The following TBX18 variants were observed in gnomAD, a reference collection of about 807,000 sequenced individuals.
TBX18 encodes the protein T-box transcription factor TBX18.
Under a neutral mutation model 55.0 loss-of-function variants are expected in TBX18, and 21 were observed. The observed-to-expected ratio is 0.38, with a 90% CI of 0.27 to 0.55. TBX18 has a LOEUF of 0.55. Among genes scored for constraint, TBX18 ranks in the 20% least tolerant of loss-of-function variants. The pLI, the probability that TBX18 is intolerant of heterozygous loss-of-function variation, is 0.73. For synonymous variants in TBX18, 342 were observed against 326.1 expected (o/e 1.05, Z -0.53); for missense variants, 840 against 799.6 (o/e 1.05, Z -0.61).
Position 84,737,012 on chromosome 6 carries a change from G to A in TBX18, c.1497C>T (p.Ile499=), listed in dbSNP as rs1766885859. The change falls in exon 8 of 8, where the codon ATC becomes ATT. Residue 499 remains isoleucine, a synonymous_variant. Coordinates refer to ENST00000369663, the MANE Select transcript of TBX18 (RefSeq NM_001080508.3). The part of the protein sequence containing the change: ...ISGMSPQLQY[I]MPSPSSNAFA... ...AGGCATTGCTGGAGGGTGATGGCAT[G>A]ATATACTGGAGCTGGGGGGACATTC... 15 of 1,613,778 alleles carry A rather than the reference G, an allele frequency of 9.3e-6. No individual in the cohort carries two copies. Among genetic ancestry groups the A allele is most frequent in the Non-Finnish European group, 1.3e-5 (15 of 1,179,838 alleles).
intron 4 of TBX18, among the ~76,000 whole-genome samples, chr6:84,753,588 G>C (rs1240259602): frequency 6.6e-6 from 1 of 152,202 alleles, no homozygotes; most frequent in Admixed American, 6.5e-5. Flanking sequence ...ACTATGTAAG[G>C]GTAGAGGGGT....
intron 6 of TBX18, chr6:84,741,413 T>C (rs1767045547): frequency 6.6e-6 from 1 of 152,222 alleles, no homozygotes; most frequent in Non-Finnish European, 1.5e-5. Context: ...AAAAATTTTA[T>C]AGGGTCAAAC....
intron 3 of TBX18, among the ~76,000 whole-genome samples, chr6:84,759,219 C>T (rs1440908368): frequency 6.6e-6 from 1 of 151,876 alleles, no homozygotes; most frequent in Admixed American, 6.6e-5. Context: ...AATAATAAGA[C>T]TGTCTTTTTT....
At chr6:84,763,825 C>G (rs1767731239) in intron 1 of TBX18, 65 bp downstream of exon 1, 4 of 1,436,602 alleles carry the variant, frequency 2.8e-6, no homozygotes, top group Admixed American at 2.9e-5. Flanking sequence ...CACGCACACC[C>G]ACAGACTCGC....
chr6:84,757,134 T>G (rs1192564561), intron 3 of TBX18, among the ~76,000 whole-genome samples: 2 of 152,242 alleles, frequency 1.3e-5, no homozygotes, highest in Non-Finnish European at 2.9e-5. Context: ...ATATTCATTC[T>G]TATGAATGAC....
rs781588538 is a variant in TBX18 at position 84,734,145 on chromosome 6, C to A, written c.*2540G>T. 1.3e-5 allele frequency: 2 copies of A among 152,220 alleles called. No individual in the cohort carries two copies. Among genetic ancestry groups the A allele is most frequent in the African/African-American group, 2.4e-5 (1 of 41,438 alleles). The allele number at this position is 152,220 out of a possible 1,614,324, so 9.4% of individuals were successfully genotyped here. A position where few individuals can be genotyped will look rare whatever the true frequency, so the allele number is the denominator to read the frequency against. ...CATCACTAGTCAGTGGTGCAAGCCA[C>A]TCATTCTTGTAACCTTGCCTTTCTC... is the stretch of plus-strand genomic sequence containing the variant. On this transcript the variant is annotated 3_prime_UTR_variant, in exon 8 of 8. Transcript: ENST00000369663.
At chr6:84,755,633 T>A (rs2127879154) in intron 4 of TBX18, among the ~76,000 whole-genome samples, 1 of 152,338 alleles carries the variant, frequency 6.6e-6, no homozygotes, top group South Asian at 2.1e-4. Flanking sequence ...ACTATGTTAC[T>A]TTTTTATTTC....
chr6:84,754,768 G>C (rs933328113), intron 4 of TBX18, among the ~76,000 whole-genome samples: 11 of 152,206 alleles, frequency 7.2e-5, no homozygotes, highest in Non-Finnish European at 1.2e-4. Context: ...AGCAGACTTT[G>C]AGAAAAGTGG....
chr6:84,738,946 A>G (rs1021085178), intron 6 of TBX18, among the ~76,000 whole-genome samples: 2 of 151,962 alleles, frequency 1.3e-5, no homozygotes, highest in South Asian at 4.2e-4. Context: ...GAACACACCC[A>G]CTCTCCTTGT....
intron 2 of TBX18, among the ~76,000 whole-genome samples, chr6:84,761,908 A>T (rs920876057): frequency 1.3e-5 from 2 of 152,160 alleles, no homozygotes; most frequent in African/African-American, 4.8e-5. Context: ...ATAACCAGGT[A>T]CTCTAAATCT....
chr6:84,739,992 G>A (rs2127872111), intron 6 of TBX18, among the ~76,000 whole-genome samples: 1 of 152,286 alleles, frequency 6.6e-6, no homozygotes, highest in African/African-American at 2.4e-5. Flanking sequence ...GTGTGGAGGG[G>A]TGGTGTGTAT....
rs1007872290 is a variant in TBX18 at position 84,733,372 on chromosome 6, T to C, written c.*3313A>G. 3.9e-5 allele frequency: 6 copies of C among 152,178 alleles called. No individual in the cohort carries two copies. Among genetic ancestry groups the C allele is most frequent in the Non-Finnish European group, 7.4e-5 (5 of 68,024 alleles). The allele number at this position is 152,178 out of a possible 1,614,324, so 9.4% of individuals were successfully genotyped here. A position where few individuals can be genotyped will look rare whatever the true frequency, so the allele number is the denominator to read the frequency against. The stretch of plus-strand genomic sequence containing the variant: ...AAAACACAACATGGTAATAATTTAA[T>C]ACAATTAGTTCTTAAGGGAAAGCTT... On this transcript the variant is annotated 3_prime_UTR_variant, in exon 8 of 8. Transcript: ENST00000369663.
chr6:84,747,793 T>C, intron 5 of TBX18, 127 bp downstream of exon 5: 4 of 834,424 alleles, frequency 4.8e-6, no homozygotes, highest in Non-Finnish European at 7.2e-6. Context: ...TTCATATATA[T>C]ACACTTTGAA....
chr6:84,746,548 C>T (rs1767196676), intron 5 of TBX18, among the ~76,000 whole-genome samples: 1 of 143,522 alleles, frequency 7.0e-6, no homozygotes, highest in Non-Finnish European at 1.5e-5. Flanking sequence ...ATCATAAATA[C>T]ATTTATTTAT....
intron 4 of TBX18, 33 bp from the exon 5 acceptor site, chr6:84,748,120 G>A (rs1201421602): frequency 1.3e-6 from 2 of 1,560,686 alleles, no homozygotes; most frequent in Non-Finnish European, 1.8e-6. Context: ...GAATTTATCA[G>A]AAGCCTCTGC....
intron 4 of TBX18, among the ~76,000 whole-genome samples, chr6:84,751,142 A>T (rs1262939711): frequency 1.3e-5 from 2 of 152,230 alleles, no homozygotes; most frequent in African/African-American, 4.8e-5. Flanking sequence ...CTTTACATTA[A>T]ACAAACAAAA....
At chr6:84,757,021 C>A in intron 3 of TBX18, 152 bp from the exon 4 acceptor site, 1 of 799,482 alleles carries the variant, frequency 1.3e-6, no homozygotes, top group Non-Finnish European at 1.9e-6. Context: ...AGCGCTTTTC[C>A]AAACCACTCT....
At chr6:84,760,404 A>T in intron 2 of TBX18, 48 bp from the exon 3 acceptor site, 1 of 1,354,960 alleles carries the variant, frequency 7.4e-7, no homozygotes, top group African/African-American at 1.5e-5. Flanking sequence ...TTTGTTTGTG[A>T]CTAAGGATGG....
At chr6:84,749,810 A>G (rs896205620) in intron 4 of TBX18, among the ~76,000 whole-genome samples, 16 of 152,192 alleles carry the variant, frequency 1.1e-4, no homozygotes, top group Admixed American at 3.3e-4. Flanking sequence ...AGTACAAAAT[A>G]AAGTAGAAAA....
Sources: gnomAD v4.1 joint callset for allele counts (sites outside exome capture counted in the v4.1 genomes callset) on GRCh38, gnomAD v4.1.1 for gene constraint, MANE v1.5 for transcripts, NCBI Gene and HGNC (gene_info 2026-07-23, HGNC 2026-07-21) for gene names.